TMEM123: variants seen among roughly 807,000 people sequenced by gnomAD.
TMEM123 encodes porimin.
A neutral mutation model predicts 19.7 loss-of-function variants in TMEM123; 16 were observed. The observed-to-expected ratio is 0.81, with a 90% CI of 0.55 to 1.23. The LOEUF is 1.23. TMEM123 is among the 50% of genes most tolerant of loss of function. The pLI, the probability that TMEM123 is intolerant of heterozygous loss-of-function variation, is 0.00. For synonymous variants in TMEM123, 118 were observed against 99.4 expected, an observed-to-expected ratio of 1.19 and a Z score of -1.12; for missense variants, 313 against 257.8, an observed-to-expected ratio of 1.21 and a Z score of -1.47.
intron 2 of TMEM123, among the ~76,000 whole-genome samples, chr11:102,436,729 CA>C (rs1857766591): frequency 6.8e-6 from 1 of 147,388 alleles, no homozygotes; most frequent in African/African-American, 2.4e-5. Flanking sequence ...TGGGGTAAGT[CA>C]TCAATTTTAG....
intron 4 of TMEM123, 35 bp from the exon 5 acceptor site, chr11:102,398,926 TG>T: frequency 6.3e-7 from 1 of 1,582,300 alleles, no homozygotes; most frequent in African/African-American, 1.4e-5. Flanking sequence ...TACTTTGTTT[TG>T]TTTTTTCTGT....
Position 102,401,944 on chromosome 11 carries a change from T to G in TMEM123, c.420A>C (p.Ser140=), listed in dbSNP as rs778350980. The G allele has an allele frequency of 1.9e-6, 3 of 1,614,184 alleles. No homozygotes were observed. The highest frequency in any genetic ancestry group is 1.1e-5 in the South Asian group (1 of 91,072). The change falls in exon 3 of 5, where the codon TCA becomes TCC. Residue 140 remains serine, a synonymous_variant. Transcript: ENST00000398136. ...TTACTGATGAAGCAGCAGATGTCAC[T>G]GAACTATTGTGGGTTACGGTCATTG... ...TSTMTVTHNS[S]VTSAASSVTI...
Position 102,398,896 on chromosome 11 carries a change from A to C in TMEM123, c.603-5T>G. The C allele has an allele frequency of 6.2e-7, 1 of 1,608,140 alleles. No homozygotes were observed. The highest frequency in any genetic ancestry group is 8.5e-7 in the Non-Finnish European group (1 of 1,178,022). On this transcript the variant is annotated splice_polypyrimidine_tract_variant and splice_region_variant and intron_variant, in intron 4 of 4. Coordinates refer to ENST00000398136, the MANE Select transcript of TMEM123 (RefSeq NM_052932.3). ...ATGATGGCATCATGTTCATCTCTGTAATATATTAAAAGTTACAATTACTTT... is the reference window on the plus strand; with the variant it reads ...ATGATGGCATCATGTTCATCTCTGTCATATATTAAAAGTTACAATTACTTT...
chr11:102,439,206 A>G (rs1309342428), intron 2 of TMEM123, among the ~76,000 whole-genome samples: 2 of 152,108 alleles, frequency 1.3e-5, no homozygotes, highest in African/African-American at 2.4e-5. Flanking sequence ...ACTTCTGCAG[A>G]CTTAAAACTT....
Position 102,442,240 on chromosome 11 carries a change from CACA to C in TMEM123, c.157+6569_157+6571del, listed in dbSNP as rs200845074. ...TCCTGATACCAAAGCCTGGCAGAGA[CACA>C]ACAAAAGAATTTTAGACCAATATCC... On this transcript the variant is annotated intron_variant, in intron 2 of 4. Transcript: ENST00000398136. Among the ~76,000 whole-genome samples, 975 of 152,262 alleles carry C rather than the reference CACA, an allele frequency of 6.4e-3. 17 individuals are homozygous for C. The highest frequency in any genetic ancestry group is 0.022 in the African/African-American group (922 of 41,548).
chr11:102,441,198 T>TA (rs993983920), intron 2 of TMEM123, among the ~76,000 whole-genome samples: 17 of 152,170 alleles, frequency 1.1e-4, no homozygotes, highest in African/African-American at 4.1e-4. Context: ...GCGGACCTAA[T>TA]AGACATCTAC....
In TMEM123 at chr11:102,402,176, G is replaced by GTA. The variant is rs752381974; in HGVS notation, c.186_187dup (p.Thr63IlefsTer10). 6.2e-7 allele frequency: 1 copy of GTA among 1,613,970 alleles called. No individual in the cohort carries two copies. The highest frequency in any genetic ancestry group is 1.3e-5 in the African/African-American group (1 of 74,906). On this transcript the variant is annotated frameshift_variant, in exon 3 of 5. Transcript: ENST00000398136. LOFTEE classifies it high-confidence loss of function. ...CACAGTACTGTTGGAAGTTTCATTT[G>GTA]TATGGTCAGAAGGCACATGTTGGAG...
At chr11:102,420,135 C>T (rs1385410684) in intron 2 of TMEM123, among the ~76,000 whole-genome samples, 1 of 152,178 alleles carries the variant, frequency 6.6e-6, no homozygotes, top group Admixed American at 6.5e-5. Context: ...CTCCAGATCC[C>T]TTCCCCATCC....
At chr11:102,439,508 A>C (rs1240810426) in intron 2 of TMEM123, among the ~76,000 whole-genome samples, 1 of 152,176 alleles carries the variant, frequency 6.6e-6, no homozygotes, top group African/African-American at 2.4e-5. Context: ...AAAACTAACA[A>C]ACAGAAAGGA....
intron 2 of TMEM123, chr11:102,448,287 T>C (rs1857904418): frequency 2.2e-6 from 1 of 456,252 alleles, no homozygotes; most frequent in Non-Finnish European, 4.4e-6. Context: ...CTTGCATCTT[T>C]CCATGTTAGT....
chr11:102,423,907 A>G (rs1048679574), intron 2 of TMEM123, among the ~76,000 whole-genome samples: 1 of 152,328 alleles, frequency 6.6e-6, no homozygotes, highest in Admixed American at 6.5e-5. Flanking sequence ...AACTCCTACA[A>G]TTTTTAAAAG....
chr11:102,447,894 T>C (rs1465805651), intron 2 of TMEM123, among the ~76,000 whole-genome samples: 2 of 152,166 alleles, frequency 1.3e-5, no homozygotes, highest in East Asian at 3.8e-4. Flanking sequence ...CCCACAGGAA[T>C]AAAAACTCCA....
At chr11:102,414,966 A>G (rs567392986) in intron 2 of TMEM123, among the ~76,000 whole-genome samples, 19 of 152,386 alleles carry the variant, frequency 1.2e-4, no homozygotes, top group Admixed American at 7.2e-4. Flanking sequence ...CTCACCTGCA[A>G]TGACACCCAC....
At chr11:102,402,627 A>G (rs1047164588) in intron 2 of TMEM123, among the ~76,000 whole-genome samples, 1 of 152,238 alleles carries the variant, frequency 6.6e-6, no homozygotes, top group Non-Finnish European at 1.5e-5. Context: ...GTTCTCTGCT[A>G]TACCTTCCAA....
intron 2 of TMEM123, among the ~76,000 whole-genome samples, chr11:102,427,928 A>T (rs1007758902): frequency 6.6e-6 from 1 of 152,126 alleles, no homozygotes; most frequent in African/African-American, 2.4e-5. Flanking sequence ...TTACTCTGAG[A>T]TTCAGAAAAG....
chr11:102,432,074 T>C (rs79807903), intron 2 of TMEM123, among the ~76,000 whole-genome samples: 3,260 of 152,280 alleles, frequency 0.021, 121 homozygotes, highest in African/African-American at 0.073. Context: ...TAAGAACAGA[T>C]TAATCTAGTA....
chr11:102,440,721 G>A (rs1231723126), intron 2 of TMEM123, among the ~76,000 whole-genome samples: 1 of 152,076 alleles, frequency 6.6e-6, no homozygotes, highest in African/African-American at 2.4e-5. Flanking sequence ...ATGTAAATGG[G>A]GTAAATGCTC....
At chr11:102,439,864 T>G (rs1857806060) in intron 2 of TMEM123, among the ~76,000 whole-genome samples, 1 of 151,286 alleles carries the variant, frequency 6.6e-6, no homozygotes, top group South Asian at 2.1e-4. Context: ...TTAAATGACC[T>G]GATGGAGCTG....
At chr11:102,410,599 G>A (rs1951996577) in intron 2 of TMEM123, among the ~76,000 whole-genome samples, 1 of 151,346 alleles carries the variant, frequency 6.6e-6, no homozygotes, top group Non-Finnish European at 1.5e-5. Flanking sequence ...AACTCCCCAA[G>A]CCTCTCATCC....
Sources: allele counts gnomAD v4.1 joint callset (sites outside exome capture counted in the v4.1 genomes callset), GRCh38; gene constraint gnomAD v4.1.1; transcripts MANE v1.5; gene names NCBI Gene and HGNC (gene_info 2026-07-23, HGNC 2026-07-21).